Variants in NR3C2 observed in about 807,000 individuals in gnomAD.
NR3C2 encodes nuclear receptor subfamily 3 group C member 2.
Under a neutral mutation model 86.4 loss-of-function variants are expected in NR3C2, and 15 were observed. The ratio of observed to expected loss-of-function variants is 0.17; its 90% CI spans 0.12 to 0.27. The LOEUF is 0.27. Ranked by LOEUF, NR3C2 falls within the 10% of genes least tolerant of loss-of-function variation. The probability of loss-of-function intolerance (pLI) is 1.00; values close to 1 mark genes in which losing one functional copy is unlikely to be tolerated. For missense variants in NR3C2, 960 were observed against 1,195.6 expected (o/e 0.80, Z 2.91); for synonymous variants, 458 against 450.5 (o/e 1.02, Z -0.21).
intron 2 of NR3C2, among the ~76,000 whole-genome samples, chr4:148,272,899 T>C (rs1740761598): frequency 6.6e-6 from 1 of 152,322 alleles, no homozygotes; most frequent in South Asian, 2.1e-4. Context: ...TCAGTATACC[T>C]ATAAATAGTG....
chr4:148,188,927 GTTT>G (rs770094656), intron 4 of NR3C2, among the ~76,000 whole-genome samples: 1 of 127,298 alleles, frequency 7.9e-6, no homozygotes. Flanking sequence ...ATTTTGCTGA[GTTT>G]TTTTTTTTTT....
chr4:148,219,982 C>T (rs192817027), intron 3 of NR3C2, among the ~76,000 whole-genome samples: 310 of 152,132 alleles, frequency 2.0e-3, no homozygotes, highest in African/African-American at 6.4e-3. Flanking sequence ...GAGTGCAGTG[C>T]TGCAAACATA....
intron 4 of NR3C2, among the ~76,000 whole-genome samples, chr4:148,186,296 A>AT (rs1014958595): frequency 2.0e-5 from 3 of 151,518 alleles, no homozygotes; most frequent in Admixed American, 6.6e-5. Context: ...TCCTTTACCC[A>AT]TTTTTTTAAT....
In NR3C2 at chr4:148,130,023, T is replaced by A. The variant is rs559789866; in HGVS notation, c.2511-9735A>T. Among the ~76,000 whole-genome samples, 5 of 152,360 alleles carry A rather than the reference T, an allele frequency of 3.3e-5. No individual in the cohort carries two copies. The East Asian group carries it at 9.6e-4, about 29-fold the overall frequency. On this transcript the variant is annotated intron_variant, in intron 6 of 8. Coordinates refer to ENST00000358102, the MANE Select transcript of NR3C2 (RefSeq NM_000901.5). ...CTGTCTTACTGTTTTAGCTACTTGCTTTTTGCCTTTTTGTGTCTTGAATAG... is the reference window on the plus strand; with the variant it reads ...CTGTCTTACTGTTTTAGCTACTTGCATTTTGCCTTTTTGTGTCTTGAATAG...
At chr4:148,215,395 G>C (rs1737481275) in intron 3 of NR3C2, among the ~76,000 whole-genome samples, 2 of 152,202 alleles carry the variant, frequency 1.3e-5, no homozygotes, top group African/African-American at 4.8e-5. Flanking sequence ...GGTGGTGACT[G>C]CTGGGCAAGC....
intron 2 of NR3C2, among the ~76,000 whole-genome samples, chr4:148,268,662 G>A (rs925113584): frequency 2.6e-5 from 4 of 152,156 alleles, no homozygotes; most frequent in African/African-American, 9.7e-5. Context: ...ATTATGCCAA[G>A]TGCAGATGAT....
chr4:148,365,558 A>G (rs1746071726), intron 2 of NR3C2, among the ~76,000 whole-genome samples: 1 of 152,230 alleles, frequency 6.6e-6, no homozygotes, highest in Admixed American at 6.5e-5. Context: ...GAAATCAATC[A>G]GATTGACAGG....
At chr4:148,375,710 T>C (rs1025521462) in intron 2 of NR3C2, among the ~76,000 whole-genome samples, 3 of 152,108 alleles carry the variant, frequency 2.0e-5, no homozygotes, top group Admixed American at 6.6e-5. Context: ...TTTTCTTGAA[T>C]TAAAAAAAAC....
intron 6 of NR3C2, among the ~76,000 whole-genome samples, chr4:148,142,036 G>A (rs1475729587): frequency 6.6e-6 from 1 of 152,144 alleles, no homozygotes; most frequent in Non-Finnish European, 1.5e-5. Flanking sequence ...GCTTGAGGGA[G>A]GGAGAAGGGA....
intron 4 of NR3C2, among the ~76,000 whole-genome samples, chr4:148,161,134 G>A (rs1328661052): frequency 2.0e-5 from 3 of 152,184 alleles, no homozygotes; most frequent in Non-Finnish European, 4.4e-5. Context: ...TAAGGAAGTA[G>A]CATTTCAATT....
chr4:148,234,309 A>G (rs1180523271), intron 3 of NR3C2, among the ~76,000 whole-genome samples: 1 of 152,168 alleles, frequency 6.6e-6, no homozygotes, highest in Non-Finnish European at 1.5e-5. Context: ...AGTGCGCATC[A>G]GGCAGAATCA....
intron 8 of NR3C2, among the ~76,000 whole-genome samples, chr4:148,100,561 C>A (rs1268911361): frequency 6.6e-6 from 1 of 152,136 alleles, no homozygotes; most frequent in Admixed American, 6.5e-5. Flanking sequence ...AAAGAAATCC[C>A]AGAAAATAAC....
chr4:148,334,589 C>G (rs1561048734), intron 2 of NR3C2, among the ~76,000 whole-genome samples: 1 of 152,130 alleles, frequency 6.6e-6, no homozygotes. Flanking sequence ...AGGAAGTACA[C>G]ACAACAAATT....
chr4:148,266,200 G>A (rs2149878764), intron 2 of NR3C2, among the ~76,000 whole-genome samples: 1 of 151,868 alleles, frequency 6.6e-6, no homozygotes, highest in African/African-American at 2.4e-5. Context: ...AGCCTCTAGA[G>A]TAGCTGGGAC....
intron 2 of NR3C2, among the ~76,000 whole-genome samples, chr4:148,325,383 T>C (rs1001280425): frequency 2.0e-5 from 3 of 152,232 alleles, no homozygotes; most frequent in African/African-American, 7.2e-5. Flanking sequence ...GAGCAGCCTC[T>C]GTGTATGTGT....
intron 3 of NR3C2, among the ~76,000 whole-genome samples, chr4:148,225,588 T>G (rs1738111931): frequency 6.6e-6 from 1 of 152,144 alleles, no homozygotes; most frequent in Non-Finnish European, 1.5e-5. Context: ...TCCTAATGAA[T>G]TACAGATAAT....
chr4:148,219,540 CT>C (rs1737721850), intron 3 of NR3C2, among the ~76,000 whole-genome samples: 1 of 152,180 alleles, frequency 6.6e-6, no homozygotes, highest in Non-Finnish European at 1.5e-5. Flanking sequence ...CCTTTTCATT[CT>C]CATGCTTTTA....
intron 3 of NR3C2, among the ~76,000 whole-genome samples, chr4:148,198,713 A>T (rs554975378): frequency 6.6e-6 from 1 of 152,234 alleles, no homozygotes; most frequent in Non-Finnish European, 1.5e-5. Context: ...GAACTAAAAA[A>T]AAAAAGAAAA....
intron 8 of NR3C2, among the ~76,000 whole-genome samples, chr4:148,091,411 G>C (rs948141441): frequency 6.6e-6 from 1 of 152,234 alleles, no homozygotes; most frequent in Non-Finnish European, 1.5e-5. Flanking sequence ...TTTAAGGTAG[G>C]GAGGCGCCAC....
Sources: allele counts gnomAD v4.1 joint callset (sites outside exome capture counted in the v4.1 genomes callset), GRCh38; gene constraint gnomAD v4.1.1; transcripts MANE v1.5; gene names NCBI Gene and HGNC (gene_info 2026-07-23, HGNC 2026-07-21).